Variants in RTEL1 observed in about 807,000 individuals in gnomAD.
RTEL1 encodes the protein regulator of telomere length.
A neutral mutation model predicts 162.2 loss-of-function variants in RTEL1; 86 were observed. The ratio of observed to expected loss-of-function variants is 0.53; its 90% confidence interval spans 0.45 to 0.63. RTEL1 has a LOEUF of 0.63. Ranked by LOEUF, RTEL1 falls within the 30% of genes least tolerant of loss-of-function variation. The pLI, the probability that RTEL1 is intolerant of heterozygous loss-of-function variation, is 0.00. For synonymous variants in RTEL1, 958 were observed against 717.9 expected, an observed-to-expected ratio of 1.33 and a Z score of -5.35; for missense variants, 1,941 against 1,750.2, an observed-to-expected ratio of 1.11 and a Z score of -1.95.
intron 12 of RTEL1, among the ~76,000 whole-genome samples, 191 bp downstream of exon 12, chr20:63,678,537 T>TCCCACGGGACAGCACACAGCCC (rs1245936680): frequency 6.2e-4 from 93 of 148,892 alleles, no homozygotes; most frequent in African/African-American, 2.3e-3. Context: ...CAGCACACAC[T>TCCCACGGGACAGCACACAGCCC]CCCACGGGAC....
chr20:63,666,587 G>C (rs1422917310), intron 7 of RTEL1, among the ~76,000 whole-genome samples: 1 of 152,200 alleles, frequency 6.6e-6, no homozygotes, highest in South Asian at 2.1e-4. Flanking sequence ...CCAGGCTGCA[G>C]TGCAGTGTCA....
chr20:63,672,039 A>C (rs1236426535), intron 8 of RTEL1, among the ~76,000 whole-genome samples: 4 of 149,170 alleles, frequency 2.7e-5, no homozygotes, highest in African/African-American at 9.9e-5. Context: ...ACACACCACC[A>C]CCCCCTGCTA....
intron 16 of RTEL1, chr20:63,686,270 C>T (rs909070428): frequency 3.8e-5 from 10 of 266,358 alleles, no homozygotes; most frequent in Admixed American, 1.5e-4. Flanking sequence ...GAAGGGGGCC[C>T]GGCTGGCCCT....
At chr20:63,662,920 G>A (rs1161256892) in intron 6 of RTEL1, 31 bp downstream of exon 6, 2 of 1,601,062 alleles carry the variant, frequency 1.2e-6, no homozygotes, top group South Asian at 2.2e-5. Context: ...CCAGGGTCGG[G>A]TTGGAGTGTG....
intron 2 of RTEL1, chr20:63,660,594 G>C (rs1021361666): frequency 6.6e-6 from 1 of 152,534 alleles, no homozygotes; most frequent in Admixed American, 6.5e-5. Flanking sequence ...CAATTGTTCA[G>C]GGTACAGGTC....
intron 1 of RTEL1, 64 bp from the exon 2 acceptor site, chr20:63,659,169 C>A: frequency 1.8e-6 from 1 of 542,682 alleles, no homozygotes; most frequent in East Asian, 3.1e-5. Flanking sequence ...GATGGAAACG[C>A]CTGGGAAAGT....
At position 63,695,540 on chromosome 20, in the gene RTEL1, C is replaced by T. The variant is rs765763485; in HGVS notation, c.3712C>T (p.Leu1238Phe). The T allele has an allele frequency of 4.3e-6, 7 of 1,612,380 alleles. No homozygotes were observed. The Admixed American group carries it at 5.0e-5, about 12-fold the overall frequency. ...GGCCACGGGAGCTCCGGGCGGGCCC[C>T]TCTCAGCAGGCTGTGTGTGCCAGGG... is the stretch of plus-strand genomic sequence containing the variant. ...QQATGAPGGP[L>F]SAGCVCQGCG... Residue 1238 changes from leucine (L) to phenylalanine (F), a missense_variant, in exon 34 of 35, where the codon CTC becomes TTC. Coordinates refer to ENST00000360203, the MANE Select transcript of RTEL1 (RefSeq NM_001283009.2).
In RTEL1 at chr20:63,694,416, G is replaced by A. The variant is rs142568980; in HGVS notation, c.3037G>A (p.Ala1013Thr). The A allele has an allele frequency of 6.5e-5, 105 of 1,612,276 alleles. No homozygotes were observed. The highest frequency in any genetic ancestry group is 8.1e-5 in the Non-Finnish European group (96 of 1,179,688). The change falls in exon 31 of 35, where the codon GCC (alanine) becomes ACC (threonine). Residue 1013 changes from alanine to threonine, a missense_variant. Physicochemically the swap from Ala to Thr is moderately conservative, Grantham distance 58 (BLOSUM62 0). Transcript: ENST00000360203. ...DPKLTVSTAA[A>T]QQLDPQEHLN... ...CAAGCTGACCGTGTCCACGGCTGCA[G>A]CCCAGCAGCTGGACCCCCAAGAGCA...
chr20:63,694,213 C>A, intron 30 of RTEL1, 159 bp from the exon 31 acceptor site: 1 of 661,062 alleles, frequency 1.5e-6, no homozygotes, highest in Non-Finnish European at 2.7e-6. Flanking sequence ...CTGGTGTCTC[C>A]TCTGATGCCC....
At chr20:63,663,282 A>T (rs1039307962) in intron 6 of RTEL1, among the ~76,000 whole-genome samples, 3 of 152,122 alleles carry the variant, frequency 2.0e-5, no homozygotes, top group African/African-American at 7.2e-5. Flanking sequence ...CGGCCCTCAT[A>T]CCATCTTGGG....
At chr20:63,681,122 G>A (rs1417783493) in intron 14 of RTEL1, 1 of 985,272 alleles carries the variant, frequency 1.0e-6, no homozygotes, top group Admixed American at 6.1e-5. Context: ...ACAGACAAAT[G>A]GGGACCCTGC....
chr20:63,691,616 C>T, intron 27 of RTEL1, 126 bp from the exon 28 acceptor site: 3 of 769,800 alleles, frequency 3.9e-6, no homozygotes, highest in South Asian at 3.2e-5. Context: ...TGCTGTGCCC[C>T]CCTCCCCCGA....
chr20:63,687,811 C>A, intron 17 of RTEL1, 41 bp downstream of exon 17: 1 of 1,555,306 alleles, frequency 6.4e-7, no homozygotes, highest in Non-Finnish European at 8.7e-7. Context: ...CCGGTGACAC[C>A]TCTGACATCA....
rs1224602711 is a variant in RTEL1 at position 63,690,114 on chromosome 20, A to G, written c.2169A>G (p.Gln723=). ...TCGCCTTTGCCGACGCAAGAGCCCAACTGCCCTCCTGGGTGCGTCCCCACG... is the reference window on the plus strand; with the variant it reads ...TCGCCTTTGCCGACGCAAGAGCCCAGCTGCCCTCCTGGGTGCGTCCCCACG... ...HRFAFADARA[Q]LPSWVRPHVR... is the part of the protein sequence containing the mutation. The change falls in exon 25 of 35, where the codon CAA becomes CAG. Residue 723 remains glutamine (Q), a synonymous_variant. Transcript: ENST00000360203. 17 of 1,612,212 alleles carry G rather than the reference A, an allele frequency of 1.1e-5. No individual in the cohort carries two copies. Among genetic ancestry groups the G allele is most frequent in the African/African-American group, 4.0e-5 (3 of 75,034 alleles).
chr20:63,671,839 C>T (rs1415317728), intron 8 of RTEL1, among the ~76,000 whole-genome samples: 1 of 151,864 alleles, frequency 6.6e-6, no homozygotes, highest in Non-Finnish European at 1.5e-5. Context: ...CCCCAGATTG[C>T]TCCCATGACA....
At chr20:63,680,851 G>A in intron 14 of RTEL1, 132 bp downstream of exon 14, 5 of 1,503,398 alleles carry the variant, frequency 3.3e-6, no homozygotes, top group Non-Finnish European at 4.5e-6. Flanking sequence ...TTTCTGATTG[G>A]CAAACTCTCG....
intron 26 of RTEL1, 45 bp downstream of exon 26, chr20:63,690,486 C>CGGG: frequency 4.1e-6 from 2 of 491,080 alleles, no homozygotes; most frequent in Non-Finnish European, 6.6e-6. Flanking sequence ...GGTGGCGGAG[C>CGGG]GGGCGGCGTG....
intron 14 of RTEL1, chr20:63,682,666 C>T (rs529765526): frequency 1.8e-5 from 18 of 985,710 alleles, no homozygotes; most frequent in African/African-American, 5.2e-5. Context: ...CAGGTGTGGG[C>T]GGTGCCCATA....
chr20:63,690,929 G>A lies in RTEL1; in HGVS notation c.2538G>A (p.Gly846=). ...TGGAGCACAGCGAACAGCGGGCGGG[G>A]AGCCCTGGCGAGGAGCAGGTACAGT... ...AALEHSEQRA[G]SPGEEQAHSC... is the part of the protein sequence containing the mutation. The change falls in exon 27 of 35, where the codon GGG becomes GGA. Residue 846 remains glycine (G), a synonymous_variant. Coordinates refer to ENST00000360203, the MANE Select transcript of RTEL1 (RefSeq NM_001283009.2). The A allele has an allele frequency of 6.4e-7, 1 of 1,554,712 alleles. No homozygotes were observed. The highest frequency in any genetic ancestry group is 1.2e-5 in the South Asian group (1 of 84,822).
Sources: allele counts gnomAD v4.1 joint callset (sites outside exome capture counted in the v4.1 genomes callset), GRCh38; gene constraint gnomAD v4.1.1; transcripts MANE v1.5; gene names NCBI Gene and HGNC (gene_info 2026-07-23, HGNC 2026-07-21).